The following PLEC variants were observed in gnomAD, a reference collection of about 807,000 sequenced individuals.
PLEC encodes plectin, also known as hemidesmosomal protein 1.
Under a neutral mutation model 392.8 loss-of-function variants are expected in PLEC, and 216 were observed. The observed-to-expected ratio is 0.55, with a 90% CI of 0.49 to 0.62. PLEC has a LOEUF of 0.62. Ranked by LOEUF, PLEC falls within the 20% of genes least tolerant of loss-of-function variation. PLEC has a pLI of 0.00. For synonymous variants in PLEC, 3,621 were observed against 2,980.6 expected, an observed-to-expected ratio of 1.21 and a Z score of -7.00; for missense variants, 6,863 against 6,563.4, an observed-to-expected ratio of 1.05 and a Z score of -1.58.
rs540421549 is a variant in PLEC at position 143,924,051 on chromosome 8, G to A, written c.5878C>T (p.Arg1960Cys). The part of the protein sequence containing the change: ...RIRSNAEDTL[R>C]SKEQAELEAA... ...TCCAGCTCGGCCTGCTCCTTGCTGC[G>A]CAGCGTGTCCTCCGCGTTGCTGCGG... is the stretch of plus-strand genomic sequence containing the variant. The change falls in exon 31 of 32, where the codon CGC becomes TGC. Residue 1960 changes from arginine to cysteine, a missense_variant. By Grantham distance (180) the Arg-to-Cys change is radical. Coordinates refer to ENST00000345136, the MANE Select transcript of PLEC (RefSeq NM_201384.3). 4.7e-5 allele frequency: 75 copies of A among 1,596,464 alleles called. No homozygotes were observed. Among genetic ancestry groups the A allele is most frequent in the African/African-American group, 4.4e-4 (33 of 74,832 alleles).
At chr8:143,946,357 C>T in intron 1 of PLEC, 18 of 1,289,076 alleles carry the variant, frequency 1.4e-5, no homozygotes, top group Non-Finnish European at 1.7e-5. Context: ...TACCTTGGCC[C>T]AGCTGAATCA....
At chr8:143,939,038 GCAGAGC>G (rs1312026340) in intron 1 of PLEC, among the ~76,000 whole-genome samples, 3 of 152,148 alleles carry the variant, frequency 2.0e-5, no homozygotes, top group Non-Finnish European at 4.4e-5. Context: ...CAGGGGTGTG[GCAGAGC>G]CAGGGCCCGG....
chr8:143,932,081 A>T (rs1239673013), intron 17 of PLEC, 49 bp from the exon 18 acceptor site: 3 of 1,555,936 alleles, frequency 1.9e-6, no homozygotes, highest in Non-Finnish European at 2.6e-6. Context: ...CCGCCTGGGG[A>T]CCCGGCACGG....
At chr8:143,940,892 T>A (rs911774480), upstream of PLEC, among the ~76,000 whole-genome samples, 14 of 151,998 alleles carry the variant, frequency 9.2e-5, no homozygotes, top group Admixed American at 8.5e-4. Flanking sequence ...CACCCCTTGG[T>A]CTCCATGCAT....
chr8:143,970,542 A>G (rs1451449470), intron 1 of PLEC, among the ~76,000 whole-genome samples: 1 of 152,130 alleles, frequency 6.6e-6, no homozygotes, highest in Non-Finnish European at 1.5e-5. Context: ...TAATAGCTTT[A>G]TTGAGAGGTA....
intron 1 of PLEC, among the ~76,000 whole-genome samples, chr8:143,960,890 C>T (rs1010867218): frequency 1.3e-5 from 2 of 152,230 alleles, no homozygotes; most frequent in East Asian, 1.9e-4. Context: ...TTAACACAAA[C>T]GGTGAAATCT....
Position 143,924,426 on chromosome 8 carries a change from G to A in PLEC, c.5503C>T (p.Leu1835Phe), listed in dbSNP as rs953750194. 2 of 1,588,532 alleles carry A rather than the reference G, an allele frequency of 1.3e-6. No homozygotes were observed. Among genetic ancestry groups the A allele is most frequent in the Non-Finnish European group, 1.7e-6 (2 of 1,175,084 alleles). Residue 1835 changes from leucine (L) to phenylalanine (F), a missense_variant, in exon 31 of 32, where the codon CTT becomes TTT. By Grantham distance (22) the Leu-to-Phe change is conservative. Coordinates refer to ENST00000345136, the MANE Select transcript of PLEC (RefSeq NM_201384.3). ...ARQRAEAERV[L>F]AEKLAAIGEA... Reference sequence around the variant, plus strand: ...CCGATGGCGGCCAGCTTCTCCGCAAGCACCCGCTCCGCCTCGGCCCGCTGC... The same window carrying A: ...CCGATGGCGGCCAGCTTCTCCGCAAACACCCGCTCCGCCTCGGCCCGCTGC...
Position 143,923,884 on chromosome 8 carries a change from T to C in PLEC, c.6045A>G (p.Lys2015=). ...GGCGCCGCGCCTCCTCCACCTTGGC[T>C]TTCAGCCGCTCGACTTCCTCCAGCG... ...KAALEEVERL[K]AKVEEARRLR... Residue 2015 remains lysine, a synonymous_variant, in exon 31 of 32, where the codon AAA becomes AAG. Coordinates refer to ENST00000345136, the MANE Select transcript of PLEC (RefSeq NM_201384.3). 2 of 1,593,920 alleles carry C rather than the reference T, an allele frequency of 1.3e-6. No individual in the cohort carries two copies. The highest frequency in any genetic ancestry group is 1.7e-6 in the Non-Finnish European group (2 of 1,177,716).
chr8:143,948,767 AAG>A (rs1435880844), intron 1 of PLEC, among the ~76,000 whole-genome samples: 1 of 152,172 alleles, frequency 6.6e-6, no homozygotes, highest in Non-Finnish European at 1.5e-5. Flanking sequence ...ACGGACAAGG[AAG>A]GAGAAAAAGG....
Position 143,921,847 on chromosome 8 carries a change from C to A in PLEC, c.7974G>T (p.Leu2658=). 6.2e-7 allele frequency: 1 copy of A among 1,605,192 alleles called. No homozygotes were observed. The highest frequency in any genetic ancestry group is 1.1e-5 in the South Asian group (1 of 91,064). Residue 2658 remains leucine (L), a synonymous_variant, in exon 32 of 32, where the codon CTG becomes CTT. Coordinates refer to ENST00000345136, the MANE Select transcript of PLEC (RefSeq NM_201384.3). ...GLRRKVSAQR[L]QEAGILSAEE... ...CCGCACTCAGGATGCCGGCCTCCTGCAGCCTCTGAGCTGACACCTTCCGCC... is the reference window on the plus strand; with the variant it reads ...CCGCACTCAGGATGCCGGCCTCCTGAAGCCTCTGAGCTGACACCTTCCGCC...
At position 143,933,249 on chromosome 8, in the gene PLEC, C is replaced by T. The variant is rs782655007; in HGVS notation, c.1366G>A (p.Val456Met). ...DSMIRLLFND[V>M]QTLKDGRHPQ... is the part of the protein sequence containing the mutation. Reference sequence around the variant, plus strand: ...TGCCGTCCATCCTTGAGGGTCTGCACGTCGTTGAAGAGCAGCCGGATCATG... The same window carrying T: ...TGCCGTCCATCCTTGAGGGTCTGCATGTCGTTGAAGAGCAGCCGGATCATG... Residue 456 changes from valine (V) to methionine (M), a missense_variant, in exon 13 of 32, where the codon GTG (valine) becomes ATG (methionine). By Grantham distance (21) the Val-to-Met change is conservative. Coordinates refer to ENST00000345136, the MANE Select transcript of PLEC (RefSeq NM_201384.3). 1.3e-5 allele frequency: 21 copies of T among 1,613,024 alleles called. No homozygotes were observed. The Admixed American group carries it at 1.7e-4, about 13-fold the overall frequency.
At chr8:143,957,259 G>C (rs1832645671), upstream of PLEC, among the ~76,000 whole-genome samples, 1 of 152,196 alleles carries the variant, frequency 6.6e-6, no homozygotes, top group Non-Finnish European at 1.5e-5. Context: ...CTGCCCAGGA[G>C]ATCTCATCGC....
intron 19 of PLEC, among the ~76,000 whole-genome samples, chr8:143,930,777 G>A (rs782787605): frequency 1.4e-4 from 22 of 152,198 alleles, no homozygotes; most frequent in East Asian, 3.9e-4. Context: ...CACCCACCAT[G>A]TCCTCCCAGC....
In PLEC at chr8:143,969,092, A is replaced by G. The variant is rs1472184857; in HGVS notation, c.70+4311T>C. Among the ~76,000 whole-genome samples the G allele has an allele frequency of 6.6e-6, 1 of 152,226 alleles. No homozygotes were observed. The highest frequency in any genetic ancestry group is 2.4e-5 in the African/African-American group (1 of 41,456). Reference sequence around the variant, plus strand: ...TAGCAGCCTCACTCATAACAGCCAAAAGGTGGAAACAACCCACTATCCGTC... The same window carrying G: ...TAGCAGCCTCACTCATAACAGCCAAGAGGTGGAAACAACCCACTATCCGTC... On this transcript the variant is annotated intron_variant, in intron 1 of 31. Coordinates refer to the PLEC transcript ENST00000356346. This position sits in a 1 kb window ranked among gnomAD's most constrained non-coding sequence, Gnocchi z 5.1.
chr8:143,959,498 C>T (rs957718933), intron 1 of PLEC, among the ~76,000 whole-genome samples: 1 of 152,218 alleles, frequency 6.6e-6, no homozygotes, highest in Non-Finnish European at 1.5e-5. Context: ...GCCGCGCTAA[C>T]CTGACGCGGC....
upstream of PLEC, among the ~76,000 whole-genome samples, chr8:143,941,876 C>T (rs1269773697): frequency 6.6e-6 from 1 of 152,160 alleles, no homozygotes; most frequent in Non-Finnish European, 1.5e-5. Context: ...GACCCTCGGC[C>T]GCCAGCCCAG....
In PLEC at chr8:143,932,068, G is replaced by A. The variant is rs782080615; in HGVS notation, c.2083-36C>T. On this transcript the variant is annotated intron_variant, in intron 17 of 31. Transcript: ENST00000345136. ...GCAGGTCCCGGTCAGGCCCCGCCCC[G>A]CCCCGCCTGGGGACCCGGCACGGCC... The A allele has an allele frequency of 7.1e-6, 11 of 1,555,532 alleles. No homozygotes were observed. In the Admixed American group the frequency reaches 7.6e-5, roughly 11 times the overall value.
At position 143,916,256 on chromosome 8, in the gene PLEC, T is replaced by C; in HGVS notation, c.13565A>G (p.Tyr4522Cys). ...GFSMTFSSSS[Y>C]SSSGYGRRYA... ...GCGGCGGCCGTAGCCCGAGGAGGAGTAGGAGGATGAAGAGAAGGTCATGGA... is the reference window on the plus strand; with the variant it reads ...GCGGCGGCCGTAGCCCGAGGAGGAGCAGGAGGATGAAGAGAAGGTCATGGA... Residue 4522 changes from tyrosine (Y) to cysteine (C), a missense_variant, in exon 32 of 32, where the codon TAC becomes TGC. Physicochemically the swap from Tyr to Cys is radical, Grantham distance 194 (BLOSUM62 -2). Coordinates refer to ENST00000345136, the MANE Select transcript of PLEC (RefSeq NM_201384.3). 2 of 1,545,018 alleles carry C rather than the reference T, an allele frequency of 1.3e-6. No homozygotes were observed. Among genetic ancestry groups the C allele is most frequent in the South Asian group, 2.4e-5 (2 of 84,728 alleles).
chr8:143,953,657 G>T, upstream of PLEC: 1 of 1,521,124 alleles, frequency 6.6e-7, no homozygotes, highest in South Asian at 1.2e-5. Context: ...ACCCTGCGTG[G>T]ACTGCACCCA....
Sources: gnomAD v4.1 joint callset for allele counts (sites outside exome capture counted in the v4.1 genomes callset) on GRCh38, gnomAD v4.1.1 for gene constraint, Gnocchi (gnomAD v3.1) non-coding constraint, MANE v1.5 for transcripts, NCBI Gene and HGNC (gene_info 2026-07-23, HGNC 2026-07-21) for gene names.